Variants in STON2 observed in about 807,000 individuals in gnomAD.
STON2 encodes the protein stonin 2.
In STON2, 29 loss-of-function variants were observed where a neutral mutation model predicts 65.7. The observed-to-expected ratio is 0.44, with a 90% CI of 0.33 to 0.60. STON2 has a LOEUF of 0.60. Ranked by LOEUF, STON2 falls within the 20% of genes least tolerant of loss-of-function variation. The pLI is 0.03. For synonymous variants in STON2, 404 were observed against 414.2 expected, an observed-to-expected ratio of 0.98 and a Z score of 0.30; for missense variants, 1,054 against 1,118.1, an observed-to-expected ratio of 0.94 and a Z score of 0.82.
At chr14:81,408,685 T>C (rs1900997418) in intron 2 of STON2, among the ~76,000 whole-genome samples, 1 of 152,374 alleles carries the variant, frequency 6.6e-6, no homozygotes, top group South Asian at 2.1e-4. Flanking sequence ...CAACAATCCC[T>C]ATGGCTCTGC....
chr14:81,262,285 T>C lies in STON2; in HGVS notation c.*6129A>G. On this transcript the variant is annotated 3_prime_UTR_variant, in exon 8 of 8. Transcript: ENST00000614646. ...TAATAAATCCATTATGGCATGCCTA[T>C]GAGTGACTTTAAATAAACAATCCTC... is the stretch of plus-strand genomic sequence containing the variant. 1 of 985,482 alleles carries C rather than the reference T, an allele frequency of 1.0e-6. No homozygotes were observed. Among genetic ancestry groups the C allele is most frequent in the Middle Eastern group, 5.2e-4 (1 of 1,914 alleles). The allele number at this position is 985,482 out of a possible 1,614,324, so 61.0% of individuals were successfully genotyped here.
intron 4 of STON2, among the ~76,000 whole-genome samples, chr14:81,336,961 T>C (rs1184941139): frequency 1.3e-5 from 2 of 152,192 alleles, no homozygotes; most frequent in African/African-American, 2.4e-5. Flanking sequence ...AGGAGGTAGC[T>C]GTTGGGGAAG....
chr14:81,340,091 C>T (rs375067980), intron 4 of STON2, among the ~76,000 whole-genome samples: 16 of 152,188 alleles, frequency 1.1e-4, no homozygotes, highest in South Asian at 1.0e-3. Flanking sequence ...GGGATGGAGC[C>T]TGCAGTAAGC....
rs751018392 is a variant in STON2 at position 81,395,991 on chromosome 14, T to TG, written c.275dup (p.Pro93ThrfsTer2). 618 of 1,614,110 alleles carry TG rather than the reference T, an allele frequency of 3.8e-4. No homozygotes were observed. The highest frequency in any genetic ancestry group is 5.0e-4 in the Non-Finnish European group (590 of 1,179,996). ...TGCTGATGGCCGAGGCCAGGTCAGG[T>TG]GGGGGCTGCTCAGGGCTCCCAGGTG... is the stretch of plus-strand genomic sequence containing the variant. On this transcript the variant is annotated frameshift_variant, in exon 3 of 8. Coordinates refer to ENST00000614646, the MANE Select transcript of STON2 (RefSeq NM_001394390.1). LOFTEE classifies it high-confidence loss of function.
intron 5 of STON2, among the ~76,000 whole-genome samples, chr14:81,296,509 T>A (rs967059265): frequency 1.3e-5 from 2 of 152,144 alleles, no homozygotes. Context: ...ATTGAGGGCA[T>A]TTCCTAGGGA....
intron 2 of STON2, among the ~76,000 whole-genome samples, chr14:81,413,575 C>T (rs1391640541): frequency 7.2e-6 from 1 of 139,222 alleles, no homozygotes; most frequent in Non-Finnish European, 1.5e-5. Context: ...GCAGGCAGAT[C>T]AAGTGGTCAG....
In STON2 at chr14:81,262,341, T is replaced by G; in HGVS notation, c.*6073A>C. Reference sequence around the variant, plus strand: ...CCTCGTGTCTAGCCTTTCCTCCCTTTAGGGAAGCTGGCTGCTAACACAGCA... The same window carrying G: ...CCTCGTGTCTAGCCTTTCCTCCCTTGAGGGAAGCTGGCTGCTAACACAGCA... On this transcript the variant is annotated 3_prime_UTR_variant, in exon 8 of 8. Coordinates refer to ENST00000614646, the MANE Select transcript of STON2 (RefSeq NM_001394390.1). 1 of 985,474 alleles carries G rather than the reference T, an allele frequency of 1.0e-6. No individual in the cohort carries two copies. Among genetic ancestry groups the G allele is most frequent in the Non-Finnish European group, 1.2e-6 (1 of 829,930 alleles). 61.0% of individuals were successfully genotyped at this position (985,474 alleles called of 1,614,324 possible). A position where few individuals can be genotyped will look rare whatever the true frequency, so the allele number is the denominator to read the frequency against.
intron 1 of STON2, among the ~76,000 whole-genome samples, chr14:81,399,953 T>A (rs140445949): frequency 1.2e-3 from 186 of 152,282 alleles, no homozygotes; most frequent in African/African-American, 4.3e-3. Context: ...CCACACTAAG[T>A]GATAGATCCA....
chr14:81,392,691 T>TA (rs1272605410), intron 3 of STON2, among the ~76,000 whole-genome samples: 5 of 152,312 alleles, frequency 3.3e-5, no homozygotes, highest in Non-Finnish European at 7.3e-5. Context: ...AATATTTTTT[T>TA]AAAAACTTTT....
At chr14:81,380,590 G>A (rs116943911) in intron 3 of STON2, among the ~76,000 whole-genome samples, 49 of 152,176 alleles carry the variant, frequency 3.2e-4, no homozygotes, top group Middle Eastern at 3.4e-3. Flanking sequence ...CATCAATGGC[G>A]GACTGGATAA....
rs904786921 is a variant in STON2, at chr14:81,263,628, G to A, written c.*4786C>T. The A allele has an allele frequency of 7.3e-6, 4 of 550,528 alleles. No individual in the cohort carries two copies. The highest frequency in any genetic ancestry group is 9.2e-6 in the Non-Finnish European group (4 of 435,386). 34.1% of individuals were successfully genotyped at this position (550,528 alleles called of 1,614,324 possible). On this transcript the variant is annotated 3_prime_UTR_variant, in exon 8 of 8. Coordinates refer to ENST00000614646, the MANE Select transcript of STON2 (RefSeq NM_001394390.1). Reference sequence around the variant, plus strand: ...ATCAGCTGTTGTTACTGTATTTTATGTGTGACCCAAGACAATTCTTCTTCC... The same window carrying A: ...ATCAGCTGTTGTTACTGTATTTTATATGTGACCCAAGACAATTCTTCTTCC...
intron 4 of STON2, among the ~76,000 whole-genome samples, chr14:81,356,832 T>C (rs1898256924): frequency 2.0e-5 from 3 of 152,058 alleles, no homozygotes; most frequent in Admixed American, 2.0e-4. Flanking sequence ...GTAGTTTGTA[T>C]TTCTATGGGA....
chr14:81,317,192 G>C (rs1215492820), intron 5 of STON2, among the ~76,000 whole-genome samples: 1 of 152,136 alleles, frequency 6.6e-6, no homozygotes, highest in Non-Finnish European at 1.5e-5. Flanking sequence ...CAAGAGAGAT[G>C]CTAGGCTCTT....
At position 81,396,157 on chromosome 14, in the gene STON2, G is replaced by C; in HGVS notation, c.110C>G (p.Pro37Arg). The change falls in exon 3 of 8, where the codon CCA becomes CGA. Residue 37 changes from proline (P) to arginine (R), a missense_variant. Transcript: ENST00000614646. ...HSQGGTEEHL[P>R]GLSSSPDQSE... The stretch of plus-strand genomic sequence containing the variant: ...CTGGTCTGGGGAAGATGACAGTCCT[G>C]GGAGGTGCTCTTCCGTGCCCCCTGA... 1 of 1,612,428 alleles carries C rather than the reference G, an allele frequency of 6.2e-7. No homozygotes were observed. The highest frequency in any genetic ancestry group is 8.5e-7 in the Non-Finnish European group (1 of 1,179,156).
chr14:81,263,705 T>C lies in STON2; in HGVS notation c.*4709A>G, dbSNP rs1462950261. 2.0e-6 allele frequency: 2 copies of C among 984,924 alleles called. No homozygotes were observed. Among genetic ancestry groups the C allele is most frequent in the Non-Finnish European group, 1.2e-6 (1 of 829,650 alleles). 61.0% of individuals were successfully genotyped at this position (984,924 alleles called of 1,614,324 possible). A position where few individuals can be genotyped will look rare whatever the true frequency, so the allele number is the denominator to read the frequency against. The stretch of plus-strand genomic sequence containing the variant: ...TGGACCTCCCTGACTAAGGTCTAGA[T>C]ATGCTGGAATTAACATATAATCCTC... On this transcript the variant is annotated 3_prime_UTR_variant, in exon 8 of 8. Transcript: ENST00000614646.
rs577763320 is a variant in STON2 at position 81,261,596 on chromosome 14, G to T, written c.*6818C>A. On this transcript the variant is annotated 3_prime_UTR_variant, in exon 8 of 8. Coordinates refer to ENST00000614646, the MANE Select transcript of STON2 (RefSeq NM_001394390.1). ...CTGGTTTTGCCATAACTTACAAATA[G>T]TCCCAGGATGTTTACTGAGTGTCCT... The T allele has an allele frequency of 2.6e-4, 134 of 519,406 alleles. 1 individual carries two copies. The South Asian group carries it at 9.8e-3, about 38-fold the overall frequency. 32.2% of individuals were successfully genotyped at this position (519,406 alleles called of 1,614,324 possible). A position where few individuals can be genotyped will look rare whatever the true frequency, so the allele number is the denominator to read the frequency against.
intron 5 of STON2, among the ~76,000 whole-genome samples, chr14:81,308,392 C>T (rs891830102): frequency 3.3e-5 from 5 of 152,172 alleles, no homozygotes; most frequent in Admixed American, 6.5e-5. Context: ...TTAGTAGAGA[C>T]GGAGTTTTGC....
chr14:81,346,907 T>C (rs769234857), intron 4 of STON2, among the ~76,000 whole-genome samples: 9 of 152,066 alleles, frequency 5.9e-5, no homozygotes, highest in Non-Finnish European at 1.2e-4. Flanking sequence ...CTAAACTCTA[T>C]GGGCTAAAAG....
chr14:81,404,662 C>A (rs1185425413), upstream of STON2, among the ~76,000 whole-genome samples: 1 of 152,060 alleles, frequency 6.6e-6, no homozygotes, highest in Non-Finnish European at 1.5e-5. Context: ...CACCATCACA[C>A]CCACCTAATT....
Sources: gnomAD v4.1 joint callset for allele counts (sites outside exome capture counted in the v4.1 genomes callset) on GRCh38, gnomAD v4.1.1 for gene constraint, MANE v1.5 for transcripts, NCBI Gene and HGNC (gene_info 2026-07-23, HGNC 2026-07-21) for gene names.